SH3PXD2A: variants seen among roughly 807,000 people sequenced by gnomAD.
SH3PXD2A encodes SH3 and PX domain-containing protein 2A.
A neutral mutation model predicts 115.2 loss-of-function variants in SH3PXD2A; 32 were observed. That is an observed-to-expected ratio of 0.28 (90% CI 0.21 to 0.37). SH3PXD2A has a LOEUF of 0.37. Among genes scored for constraint, SH3PXD2A ranks in the 10% least tolerant of loss-of-function variants. The probability of loss-of-function intolerance (pLI) is 1.00; values close to 1 mark genes in which losing one functional copy is unlikely to be tolerated. For synonymous variants in SH3PXD2A, 610 were observed against 629.1 expected, an observed-to-expected ratio of 0.97 and a Z score of 0.45; for missense variants, 1,328 against 1,498.7, an observed-to-expected ratio of 0.89 and a Z score of 1.88.
intron 2 of SH3PXD2A, among the ~76,000 whole-genome samples, chr10:103,785,467 G>A (rs1235087977): frequency 6.6e-6 from 1 of 152,152 alleles, no homozygotes; most frequent in African/African-American, 2.4e-5. Flanking sequence ...AGTGAGGGCT[G>A]AGGCCACTGC....
chr10:103,618,020 G>A (rs1478038551), intron 10 of SH3PXD2A, among the ~76,000 whole-genome samples: 3 of 152,226 alleles, frequency 2.0e-5, no homozygotes, highest in African/African-American at 7.2e-5. Flanking sequence ...AGCACAATCA[G>A]GCAGCACTGG....
chr10:103,605,002 C>G (rs1208338928), intron 14 of SH3PXD2A, among the ~76,000 whole-genome samples: 1 of 152,226 alleles, frequency 6.6e-6, no homozygotes, highest in East Asian at 1.9e-4. Flanking sequence ...AACTCAATTA[C>G]TACACAAAGC....
chr10:103,735,705 C>CAA, intron 4 of SH3PXD2A, 27 bp downstream of exon 4: 6 of 1,508,600 alleles, frequency 4.0e-6, no homozygotes, highest in South Asian at 1.1e-5. Context: ...CCCCGAGCCC[C>CAA]TCCCCCAGCC....
intron 3 of SH3PXD2A, among the ~76,000 whole-genome samples, chr10:103,761,825 C>T (rs1361952466): frequency 6.6e-6 from 1 of 152,170 alleles, no homozygotes; most frequent in African/African-American, 2.4e-5. Context: ...GCAATTCCTT[C>T]TTGCCCAAGG....
At chr10:103,788,051 C>A (rs867694049) in intron 2 of SH3PXD2A, among the ~76,000 whole-genome samples, 1 of 152,158 alleles carries the variant, frequency 6.6e-6, no homozygotes, top group Non-Finnish European at 1.5e-5. Context: ...GAAAAATGTT[C>A]CCCTAATCCA....
chr10:103,804,740 G>A (rs181387557), intron 1 of SH3PXD2A, among the ~76,000 whole-genome samples: 47 of 152,252 alleles, frequency 3.1e-4, no homozygotes, highest in Admixed American at 8.5e-4. Context: ...AAGAGCCTGA[G>A]ACCAAGAAGA....
chr10:103,636,759 G>A (rs1177788204), intron 8 of SH3PXD2A, among the ~76,000 whole-genome samples: 5 of 152,238 alleles, frequency 3.3e-5, no homozygotes, highest in Admixed American at 2.6e-4. Context: ...GGGGGGAGGG[G>A]AGACCCCCCA....
intron 5 of SH3PXD2A, among the ~76,000 whole-genome samples, chr10:103,693,789 G>T (rs961818277): frequency 2.6e-5 from 4 of 152,138 alleles, no homozygotes; most frequent in Non-Finnish European, 4.4e-5. Flanking sequence ...TAGTGGGGGG[G>T]ACAGAGGATA....
chr10:103,765,722 T>C (rs1357088087), intron 3 of SH3PXD2A, among the ~76,000 whole-genome samples: 1 of 152,228 alleles, frequency 6.6e-6, no homozygotes, highest in Non-Finnish European at 1.5e-5. Context: ...GCATCCCAGA[T>C]GGGCTACCAA....
chr10:103,828,090 G>A (rs2039447877), intron 1 of SH3PXD2A, among the ~76,000 whole-genome samples: 1 of 152,216 alleles, frequency 6.6e-6, no homozygotes. Context: ...TCTTTTGGGA[G>A]AGAGGAAAGT....
chr10:103,781,412 TG>T (rs1185250330), intron 2 of SH3PXD2A, among the ~76,000 whole-genome samples: 1 of 152,138 alleles, frequency 6.6e-6, no homozygotes, highest in South Asian at 2.1e-4. Context: ...GGTCACCAGC[TG>T]GGGGAGTCTG....
At chr10:103,847,580 C>T (rs548987760) in intron 1 of SH3PXD2A, among the ~76,000 whole-genome samples, 1 of 152,246 alleles carries the variant, frequency 6.6e-6, no homozygotes, top group African/African-American at 2.4e-5. Context: ...CCACTTTGGC[C>T]TTTTGAAGCA....
chr10:103,736,430 C>T (rs1181608744), intron 3 of SH3PXD2A, among the ~76,000 whole-genome samples: 1 of 152,240 alleles, frequency 6.6e-6, no homozygotes, highest in Non-Finnish European at 1.5e-5. Context: ...AAATGCCAGC[C>T]CCTCAGACCT....
chr10:103,704,480 T>C (rs2037958263), intron 5 of SH3PXD2A, among the ~76,000 whole-genome samples: 3 of 152,122 alleles, frequency 2.0e-5, no homozygotes, highest in Non-Finnish European at 4.4e-5. Context: ...TGAATGACTG[T>C]TATCACTTTC....
chr10:103,678,022 G>A (rs2037561614), intron 6 of SH3PXD2A: 1 of 869,016 alleles, frequency 1.2e-6, no homozygotes, highest in Non-Finnish European at 1.7e-6. Flanking sequence ...ACACCCTGAA[G>A]GGCGTTGGCT....
At chr10:103,839,573 G>T (rs1053605800) in intron 1 of SH3PXD2A, among the ~76,000 whole-genome samples, 24 of 150,788 alleles carry the variant, frequency 1.6e-4, no homozygotes, top group Non-Finnish European at 3.1e-4. Context: ...CCTCCCCCAA[G>T]GCCACACAGC....
chr10:103,783,661 C>T (rs2134243546), intron 2 of SH3PXD2A, among the ~76,000 whole-genome samples: 1 of 152,330 alleles, frequency 6.6e-6, no homozygotes, highest in South Asian at 2.1e-4. Flanking sequence ...ATGGCTTCCT[C>T]CCTGGTCACT....
intron 8 of SH3PXD2A, among the ~76,000 whole-genome samples, chr10:103,632,234 C>G (rs576839701): frequency 6.6e-6 from 1 of 152,202 alleles, no homozygotes; most frequent in African/African-American, 2.4e-5. Context: ...CCACTGCACT[C>G]TCAGATCCTG....
At chr10:103,700,086 T>C (rs2037874566) in intron 5 of SH3PXD2A, among the ~76,000 whole-genome samples, 1 of 152,236 alleles carries the variant, frequency 6.6e-6, no homozygotes, top group Non-Finnish European at 1.5e-5. Context: ...TGTCTGTCTG[T>C]CTCCTCTGAC....
Sources: gnomAD v4.1 joint callset for allele counts (sites outside exome capture counted in the v4.1 genomes callset) on GRCh38, gnomAD v4.1.1 for gene constraint, MANE v1.5 for transcripts, NCBI Gene and HGNC (gene_info 2026-07-23, HGNC 2026-07-21) for gene names.